The following ARHGEF3 variants were observed in gnomAD, a reference collection of about 807,000 sequenced individuals.
ARHGEF3 encodes the protein 59.8 kDA protein.
ARHGEF3 carries 28 observed loss-of-function variants against 63.2 expected under a neutral mutation model. The observed-to-expected ratio is 0.44, with a 90% confidence interval of 0.33 to 0.61. The LOEUF (loss-of-function observed/expected upper bound fraction) is 0.61. ARHGEF3 is among the 20% of genes least tolerant of loss of function. ARHGEF3 has a pLI of 0.03. For synonymous variants in ARHGEF3, 266 were observed against 254.2 expected, an observed-to-expected ratio of 1.05 and a Z score of -0.44; for missense variants, 533 against 659.3, an observed-to-expected ratio of 0.81 and a Z score of 2.10.
At chr3:56,766,969 A>T (rs2035736830) in intron 2 of ARHGEF3, among the ~76,000 whole-genome samples, 1 of 152,186 alleles carries the variant, frequency 6.6e-6, no homozygotes, top group Non-Finnish European at 1.5e-5. Flanking sequence ...AGAGTGATTA[A>T]CTCAACTGTA....
chr3:57,011,889 G>C (rs552355946), intron 2 of ARHGEF3, among the ~76,000 whole-genome samples: 1 of 152,174 alleles, frequency 6.6e-6, no homozygotes, highest in Non-Finnish European at 1.5e-5. Flanking sequence ...TTTGCACTAT[G>C]AGGAAGGAAG....
At chr3:56,835,509 C>T (rs896389100) in intron 4 of ARHGEF3, among the ~76,000 whole-genome samples, 3 of 151,958 alleles carry the variant, frequency 2.0e-5, no homozygotes, top group African/African-American at 7.3e-5. Context: ...CGTGTACACC[C>T]CTATTTCACG....
intron 1 of ARHGEF3, among the ~76,000 whole-genome samples, chr3:57,048,903 G>T (rs1001240514): frequency 6.6e-6 from 1 of 152,170 alleles, no homozygotes; most frequent in African/African-American, 2.4e-5. Context: ...ACATGCCAGG[G>T]CCTGTGGCTG....
chr3:56,950,664 C>A (rs558245535), intron 3 of ARHGEF3, among the ~76,000 whole-genome samples: 6 of 152,054 alleles, frequency 3.9e-5, no homozygotes, highest in Non-Finnish European at 8.8e-5. Flanking sequence ...AATAGGAACA[C>A]TTTTACACTG....
intron 2 of ARHGEF3, among the ~76,000 whole-genome samples, chr3:57,020,626 C>G (rs979470614): frequency 1.3e-5 from 2 of 152,200 alleles, no homozygotes; most frequent in African/African-American, 4.8e-5. Flanking sequence ...CAAATGCCAG[C>G]CTGGAGTTGG....
intron 4 of ARHGEF3, among the ~76,000 whole-genome samples, chr3:56,811,956 C>T (rs1288027276): frequency 6.6e-6 from 1 of 152,182 alleles, no homozygotes; most frequent in African/African-American, 2.4e-5. Flanking sequence ...TCAGCCTGCT[C>T]ATATTGACTG....
chr3:56,781,172 G>A (rs980771934), intron 1 of ARHGEF3, among the ~76,000 whole-genome samples: 7 of 152,120 alleles, frequency 4.6e-5, no homozygotes, highest in African/African-American at 1.7e-4. Flanking sequence ...CAAACACCAG[G>A]AACTTGGAAG....
intron 2 of ARHGEF3, among the ~76,000 whole-genome samples, chr3:57,000,310 CCA>C (rs71076009): frequency 0.2 from 27,626 of 138,914 alleles, 3,088 homozygotes; most frequent in Middle Eastern, 0.28. Context: ...AGGGTAACTC[CCA>C]CACACACACA....
intron 2 of ARHGEF3, among the ~76,000 whole-genome samples, chr3:56,990,895 T>C (rs1172818531): frequency 1.3e-5 from 2 of 152,002 alleles, no homozygotes; most frequent in African/African-American, 4.8e-5. Context: ...GCCTAAGGGG[T>C]CAGGTGAGGG....
At chr3:57,011,086 C>T (rs545564639) in intron 2 of ARHGEF3, among the ~76,000 whole-genome samples, 21 of 152,212 alleles carry the variant, frequency 1.4e-4, no homozygotes, top group Admixed American at 5.9e-4. Flanking sequence ...AGCACCCCTG[C>T]GTGTAGGAGC....
rs570826432 is a variant in ARHGEF3 at position 56,982,946 on chromosome 3, C to T, written c.63-24057G>A. Among the ~76,000 whole-genome samples, 18 of 152,176 alleles carry T rather than the reference C, an allele frequency of 1.2e-4. No homozygotes were observed. The South Asian group carries it at 2.5e-3, about 21-fold the overall frequency. ...CAACAAAAATTAAAGGGTAGGGAGC[C>T]CTTTGGGTTATAAAGATGTCTTCCT... On this transcript the variant is annotated intron_variant, in intron 2 of 12. Coordinates refer to the ARHGEF3 transcript ENST00000338458.
intron 3 of ARHGEF3, among the ~76,000 whole-genome samples, chr3:56,892,693 T>A (rs1401280098): frequency 3.9e-5 from 6 of 152,208 alleles, no homozygotes; most frequent in Admixed American, 3.9e-4. Flanking sequence ...TAATTCAAAT[T>A]CAAAGTGCTC....
At chr3:56,824,589 G>T (rs1458089727) in intron 4 of ARHGEF3, among the ~76,000 whole-genome samples, 3 of 152,178 alleles carry the variant, frequency 2.0e-5, no homozygotes, top group Non-Finnish European at 4.4e-5. Context: ...CCTAGCCTTT[G>T]AACCATTTAC....
At chr3:56,957,183 G>A (rs373554084) in intron 3 of ARHGEF3, among the ~76,000 whole-genome samples, 4 of 152,276 alleles carry the variant, frequency 2.6e-5, no homozygotes, top group African/African-American at 7.2e-5. Flanking sequence ...AGTAAGACAT[G>A]CACATCTATT....
chr3:57,000,855 G>A (rs1339498375), intron 2 of ARHGEF3, among the ~76,000 whole-genome samples: 4 of 152,128 alleles, frequency 2.6e-5, no homozygotes, highest in African/African-American at 9.7e-5. Context: ...TTATTTAACT[G>A]TAAGTAACAG....
chr3:56,983,473 C>T (rs141207887), intron 2 of ARHGEF3, among the ~76,000 whole-genome samples: 18 of 152,340 alleles, frequency 1.2e-4, no homozygotes, highest in African/African-American at 4.3e-4. Context: ...TCAGACTCTG[C>T]TGCAGACATA....
chr3:56,824,948 ACT>A (rs2038656494), intron 4 of ARHGEF3, among the ~76,000 whole-genome samples: 1 of 152,232 alleles, frequency 6.6e-6, no homozygotes, highest in African/African-American at 2.4e-5. Flanking sequence ...GAGTGAAGAA[ACT>A]CTGTGAGGTG....
rs1194027285 is a variant in ARHGEF3, at chr3:57,018,295, AAAAC to A, written c.62+16789_62+16792del. Among the ~76,000 whole-genome samples, 177 of 147,998 alleles carry A rather than the reference AAAAC, an allele frequency of 1.2e-3. 1 individual carries two copies. The highest frequency in any genetic ancestry group is 4.1e-3 in the African/African-American group (167 of 40,706). ...CTCTGTCACAAAAAAAAAAAAAAAA[AAAAC>A]TTTAAAGGCCAAAAAGGAATATAGA... On this transcript the variant is annotated intron_variant, in intron 2 of 12. Transcript: ENST00000338458.
At chr3:56,969,752 C>A (rs376097118) in intron 2 of ARHGEF3, among the ~76,000 whole-genome samples, 342 of 134,052 alleles carry the variant, frequency 2.6e-3, no homozygotes, top group Middle Eastern at 3.7e-3. Flanking sequence ...GACTCCGTAT[C>A]AAAAAAAAAA....
Sources: allele counts gnomAD v4.1 joint callset (sites outside exome capture counted in the v4.1 genomes callset), GRCh38; gene constraint gnomAD v4.1.1; transcripts MANE v1.5; gene names NCBI Gene and HGNC (gene_info 2026-07-23, HGNC 2026-07-21).